The following ALX4 variants were observed in gnomAD, a reference collection of about 807,000 sequenced individuals.
The protein encoded by ALX4 is homeobox protein aristaless-like 4.
A neutral mutation model predicts 40.6 loss-of-function variants in ALX4; 22 were observed. The ratio of observed to expected loss-of-function variants is 0.54; its 90% CI spans 0.39 to 0.77. The LOEUF is 0.77. ALX4 is among the 30% of genes least tolerant of loss of function. ALX4 has a pLI of 0.00. For missense variants in ALX4, 556 were observed against 564.8 expected (o/e 0.98, Z 0.16); for synonymous variants, 266 against 240.5 (o/e 1.11, Z -0.98).
chr11:44,303,616 C>T (rs377474487), intron 1 of ALX4, among the ~76,000 whole-genome samples: 37 of 152,310 alleles, frequency 2.4e-4, no homozygotes, highest in African/African-American at 8.7e-4. Flanking sequence ...CGCCGCTGAG[C>T]CACAACTCCC....
rs539896164 is a variant in ALX4, at chr11:44,285,844, C to T, written c.467-10186G>A. Among the ~76,000 whole-genome samples the T allele has an allele frequency of 5.8e-3, 888 of 152,296 alleles. 4 individuals are homozygous for T. Among genetic ancestry groups the T allele is most frequent in the Non-Finnish European group, 8.8e-3 (597 of 68,026 alleles). ...CACTGAATCCCCTGCTTTACAGCAC[C>T]GGCTCATGGGCCTGCTCCCTCCCTA... On this transcript the variant is annotated intron_variant, in intron 1 of 3. Transcript: ENST00000652299.
In ALX4 at chr11:44,260,837, A is replaced by G. The variant is rs1268907823; in HGVS notation, c.*4017T>C. On this transcript the variant is annotated 3_prime_UTR_variant, in exon 4 of 4. Coordinates refer to ENST00000652299, the MANE Select transcript of ALX4 (RefSeq NM_021926.4). The stretch of plus-strand genomic sequence containing the variant: ...TTATACAGGGTTAAAATATCTTACA[A>G]TGAGAACAATAAGTAACGGTTGAGG... 1 of 152,198 alleles carries G rather than the reference A, an allele frequency of 6.6e-6. No homozygotes were observed. Among genetic ancestry groups the G allele is most frequent in the Non-Finnish European group, 1.5e-5 (1 of 68,042 alleles). 9.4% of individuals were successfully genotyped at this position (152,198 alleles called of 1,614,324 possible).
chr11:44,266,871 C>A (rs1590686319), intron 3 of ALX4, among the ~76,000 whole-genome samples: 1 of 152,302 alleles, frequency 6.6e-6, no homozygotes, highest in East Asian at 1.9e-4. Context: ...GACAGGGCCC[C>A]AGAAGCTGAG....
At chr11:44,304,533 G>A (rs571326174) in intron 1 of ALX4, among the ~76,000 whole-genome samples, 35 of 152,246 alleles carry the variant, frequency 2.3e-4, no homozygotes, top group African/African-American at 8.2e-4. Flanking sequence ...TGAGCCGCGG[G>A]GGCTCCGGGC....
At chr11:44,276,722 G>A (rs1956280282) in intron 1 of ALX4, among the ~76,000 whole-genome samples, 1 of 152,184 alleles carries the variant, frequency 6.6e-6, no homozygotes, top group African/African-American at 2.4e-5. Context: ...GGTTGTGGTG[G>A]GGCATGGTTT....
chr11:44,286,082 C>A (rs570378058), intron 1 of ALX4, among the ~76,000 whole-genome samples: 11 of 152,332 alleles, frequency 7.2e-5, no homozygotes, highest in African/African-American at 2.6e-4. Context: ...CAGGAAAAGG[C>A]CCCAGGCCCT....
chr11:44,273,411 C>CT (rs372463601), intron 2 of ALX4, among the ~76,000 whole-genome samples: 2 of 152,176 alleles, frequency 1.3e-5, no homozygotes, highest in African/African-American at 4.8e-5. Context: ...ACTCATGGGT[C>CT]TTTTCTTTCT....
chr11:44,284,275 T>C (rs1440980356), intron 1 of ALX4, among the ~76,000 whole-genome samples: 2 of 152,084 alleles, frequency 1.3e-5, no homozygotes, highest in South Asian at 2.1e-4. Flanking sequence ...CAGGAACAGG[T>C]TGAAATATCT....
intron 2 of ALX4, 93 bp from the exon 3 acceptor site, chr11:44,267,715 C>A (rs1284185489): frequency 4.4e-6 from 7 of 1,575,392 alleles, no homozygotes; most frequent in Non-Finnish European, 6.1e-6. Flanking sequence ...TTGAGCCCCC[C>A]ATCAGTTGCA....
intron 1 of ALX4, among the ~76,000 whole-genome samples, chr11:44,285,879 C>A (rs906311170): frequency 2.0e-5 from 3 of 152,206 alleles, no homozygotes; most frequent in Admixed American, 2.0e-4. Flanking sequence ...AGACTGTGAG[C>A]TGGTCAGAGT....
At chr11:44,288,300 AAAT>A (rs756787220) in intron 1 of ALX4, among the ~76,000 whole-genome samples, 76 of 152,212 alleles carry the variant, frequency 5.0e-4, no homozygotes, top group Non-Finnish European at 9.3e-4. Flanking sequence ...GAGAGATTGA[AAAT>A]AATGCAAATA....
At chr11:44,277,490 C>G (rs1036002156) in intron 1 of ALX4, among the ~76,000 whole-genome samples, 21 of 152,194 alleles carry the variant, frequency 1.4e-4, no homozygotes, top group African/African-American at 5.1e-4. Context: ...CGTGCACGAG[C>G]TTTGATCATC....
At chr11:44,303,111 A>G (rs778729018) in intron 1 of ALX4, among the ~76,000 whole-genome samples, 1 of 152,120 alleles carries the variant, frequency 6.6e-6, no homozygotes, top group Non-Finnish European at 1.5e-5. Flanking sequence ...CAAACCTCCC[A>G]CAGCTTCCCA....
At chr11:44,284,880 AAGAC>A (rs1344434273) in intron 1 of ALX4, among the ~76,000 whole-genome samples, 2 of 152,198 alleles carry the variant, frequency 1.3e-5, no homozygotes, top group African/African-American at 4.8e-5. Context: ...AAAAAAAATC[AAGAC>A]AGACCAAAAG....
At chr11:44,278,876 T>G (rs1304350366) in intron 1 of ALX4, among the ~76,000 whole-genome samples, 2 of 152,010 alleles carry the variant, frequency 1.3e-5, no homozygotes, top group African/African-American at 4.8e-5. Flanking sequence ...ATGGAAGGAA[T>G]TCAGGGGAGC....
Position 44,309,484 on chromosome 11 carries a change from C to T in ALX4, c.466+113G>A, listed in dbSNP as rs996129457. 2.7e-6 allele frequency: 4 copies of T among 1,495,796 alleles called. No individual in the cohort carries two copies. In the South Asian group the frequency reaches 3.8e-5, roughly 14 times the overall value. The allele number at this position is 1,495,796 out of a possible 1,614,324, so 92.7% of individuals were successfully genotyped here. ...GATCCCGTTTACCGACCAGAGTCAC[C>T]ACCCCGCCCCCAGCCCGCCAACTCA... is the stretch of plus-strand genomic sequence containing the variant. On this transcript the variant is annotated intron_variant, in intron 1 of 3. Transcript: ENST00000652299.
intron 1 of ALX4, among the ~76,000 whole-genome samples, chr11:44,292,528 ACTTT>A (rs1367269218): frequency 8.5e-5 from 13 of 152,068 alleles, no homozygotes; most frequent in Middle Eastern, 6.8e-3. Context: ...CCTAGTTTGT[ACTTT>A]AGGAAAGTCA....
chr11:44,272,136 G>A (rs1956251844), intron 2 of ALX4, among the ~76,000 whole-genome samples: 1 of 152,190 alleles, frequency 6.6e-6, no homozygotes, highest in African/African-American at 2.4e-5. Context: ...GTGTGTGAGG[G>A]CTTCTGGATT....
At position 44,265,158 on chromosome 11, in the gene ALX4, T is replaced by C. The variant is rs1956206022; in HGVS notation, c.932A>G (p.Asn311Ser). 6.2e-7 allele frequency: 1 copy of C among 1,605,440 alleles called. No individual in the cohort carries two copies. Among genetic ancestry groups the C allele is most frequent in the Non-Finnish European group, 8.5e-7 (1 of 1,174,814 alleles). ...AQIQNPSWLGNNGAASPVPAC... is the reference protein window; with the variant it reads ...AQIQNPSWLGSNGAASPVPAC... ...TGGCACTGGTGAGGCAGCCCCGTTG[T>C]TGCCGAGCCAGGACGGGTTCTGAAT... Residue 311 changes from asparagine to serine, a missense_variant, in exon 4 of 4, where the codon AAC becomes AGC. Coordinates refer to ENST00000652299, the MANE Select transcript of ALX4 (RefSeq NM_021926.4).
Sources: gnomAD v4.1 joint callset for allele counts (sites outside exome capture counted in the v4.1 genomes callset) on GRCh38, gnomAD v4.1.1 for gene constraint, MANE v1.5 for transcripts, NCBI Gene and HGNC (gene_info 2026-07-23, HGNC 2026-07-21) for gene names.